ZFP14: variants seen among roughly 807,000 people sequenced by gnomAD.
ZFP14 encodes the protein ZFP14 zinc finger protein.
ZFP14 carries 22 observed loss-of-function variants against 54.5 expected under a neutral mutation model. The ratio of observed to expected loss-of-function variants is 0.40; its 90% CI spans 0.29 to 0.58. The LOEUF (loss-of-function observed/expected upper bound fraction) is 0.58. Ranked by LOEUF, ZFP14 falls within the 20% of genes least tolerant of loss-of-function variation. The pLI is 0.39. For missense variants in ZFP14, 470 were observed against 637.8 expected, an observed-to-expected ratio of 0.74 and a Z score of 2.83; for synonymous variants, 159 against 204.0, an observed-to-expected ratio of 0.78 and a Z score of 1.88.
At chr19:36,349,646 C>T (rs1004314044) in intron 4 of ZFP14, among the ~76,000 whole-genome samples, 4 of 144,140 alleles carry the variant, frequency 2.8e-5, no homozygotes, top group Non-Finnish European at 6.0e-5. Flanking sequence ...CAGCCTGGGT[C>T]GCAGAGCAAG....
At chr19:36,372,506 T>C (rs2031895046) in intron 1 of ZFP14, among the ~76,000 whole-genome samples, 1 of 152,052 alleles carries the variant, frequency 6.6e-6, no homozygotes, top group South Asian at 2.1e-4. Context: ...CTAAAATAAA[T>C]GATTAATTCC....
chr19:36,347,128 A>G (rs764130558), intron 4 of ZFP14, among the ~76,000 whole-genome samples: 6 of 152,180 alleles, frequency 3.9e-5, no homozygotes, highest in Non-Finnish European at 7.3e-5. Context: ...TTTGTCTTTG[A>G]CTGAGAGCAT....
rs1303471784 is a variant in ZFP14, at chr19:36,338,082, A to C, written c.*2142T>G. 1.3e-5 allele frequency: 2 copies of C among 152,174 alleles called. No homozygotes were observed. Among genetic ancestry groups the C allele is most frequent in the East Asian group, 1.9e-4 (1 of 5,180 alleles). 9.4% of individuals were successfully genotyped at this position (152,174 alleles called of 1,614,324 possible). On this transcript the variant is annotated 3_prime_UTR_variant, in exon 5 of 5. Transcript: ENST00000270001. Reference sequence around the variant, plus strand: ...AGTGGCACGATCTCAGCTCACTGCAAACTCTGCCTCTTGGGTTCAAGTGAT... The same window carrying C: ...AGTGGCACGATCTCAGCTCACTGCACACTCTGCCTCTTGGGTTCAAGTGAT...
intron 4 of ZFP14, among the ~76,000 whole-genome samples, chr19:36,347,742 A>G (rs1028834403): frequency 3.9e-5 from 6 of 152,184 alleles, no homozygotes; most frequent in African/African-American, 1.4e-4. Context: ...ATAAAGCCTA[A>G]TACTCCAAGT....
rs562613394 is a variant in ZFP14 at position 36,340,190 on chromosome 19, T to C, written c.*34A>G. 4 of 1,499,758 alleles carry C rather than the reference T, an allele frequency of 2.7e-6. No homozygotes were observed. Among genetic ancestry groups the C allele is most frequent in the South Asian group, 1.4e-5 (1 of 69,942 alleles). 92.9% of individuals were successfully genotyped at this position (1,499,758 alleles called of 1,614,324 possible). A position where few individuals can be genotyped will look rare whatever the true frequency, so the allele number is the denominator to read the frequency against. ...CTCAAAAATGAATTTTCTGATGTTCTGTAACATCATATACATTTGAAGGCT... is the reference window on the plus strand; with the variant it reads ...CTCAAAAATGAATTTTCTGATGTTCCGTAACATCATATACATTTGAAGGCT... On this transcript the variant is annotated 3_prime_UTR_variant, in exon 5 of 5. Transcript: ENST00000270001. This position sits in a 1 kb window ranked among gnomAD's most constrained non-coding sequence, Gnocchi z 5.4.
Position 36,341,287 on chromosome 19 carries a change from G to A in ZFP14, c.539C>T (p.Thr180Ile), listed in dbSNP as rs2031308927. The A allele has an allele frequency of 6.2e-7, 1 of 1,614,004 alleles. No individual in the cohort carries two copies. Among genetic ancestry groups the A allele is most frequent in the Non-Finnish European group, 8.5e-7 (1 of 1,180,042 alleles). Reference protein sequence around the residue: ...KVYECKECRKTFIRRSTLSQH... With the variant: ...KVYECKECRKIFIRRSTLSQH... ...ACTAAGTGTTGAGCGACGAATAAAG[G>A]TCTTCCTACACTCCTTACACTCATA... Residue 180 changes from threonine to isoleucine, a missense_variant, in exon 5 of 5, where the codon ACC becomes ATC. Transcript: ENST00000270001. This position sits in a 1 kb window ranked among gnomAD's most constrained non-coding sequence, Gnocchi z 4.2.
At chr19:36,354,516 C>T (rs1218607976) in intron 4 of ZFP14, among the ~76,000 whole-genome samples, 1 of 142,190 alleles carries the variant, frequency 7.0e-6, no homozygotes, top group Non-Finnish European at 1.6e-5. Flanking sequence ...TCTTGCAGTT[C>T]CTCAAAAATA....
At chr19:36,363,109 C>T (rs1477083490) in intron 2 of ZFP14, among the ~76,000 whole-genome samples, 1 of 151,400 alleles carries the variant, frequency 6.6e-6, no homozygotes, top group Non-Finnish European at 1.5e-5. Flanking sequence ...TTTTTTGTTC[C>T]TGAGTTACAG....
At chr19:36,346,892 C>A (rs1426228548) in intron 4 of ZFP14, among the ~76,000 whole-genome samples, 1 of 152,188 alleles carries the variant, frequency 6.6e-6, no homozygotes, top group Admixed American at 6.5e-5. Flanking sequence ...GATCAATAGG[C>A]AGGTTCGCTT....
intron 4 of ZFP14, among the ~76,000 whole-genome samples, chr19:36,342,771 TTTA>T (rs2031345852): frequency 1.4e-5 from 2 of 140,730 alleles, no homozygotes; most frequent in African/African-American, 2.6e-5. Context: ...GGTGCAGACA[TTTA>T]TTATTAATTT....
At position 36,334,686 on chromosome 19, in the gene ZFP14, A is replaced by G. The variant is rs1441384926; in HGVS notation, c.*5538T>C. 6.6e-6 allele frequency: 1 copy of G among 152,162 alleles called. No homozygotes were observed. The highest frequency in any genetic ancestry group is 2.4e-5 in the African/African-American group (1 of 41,430). 9.4% of individuals were successfully genotyped at this position (152,162 alleles called of 1,614,324 possible). ...GCCGCCCCCAACACAACCACTCACCATATCTAAAATTACACCCTTGAAGAC... is the reference window on the plus strand; with the variant it reads ...GCCGCCCCCAACACAACCACTCACCGTATCTAAAATTACACCCTTGAAGAC... On this transcript the variant is annotated 3_prime_UTR_variant, in exon 5 of 5. Transcript: ENST00000270001.
At position 36,340,047 on chromosome 19, in the gene ZFP14, C is replaced by G; in HGVS notation, c.*177G>C. 4 of 578,614 alleles carry G rather than the reference C, an allele frequency of 6.9e-6. No individual in the cohort carries two copies. Among genetic ancestry groups the G allele is most frequent in the Non-Finnish European group, 1.1e-5 (4 of 365,100 alleles). 35.8% of individuals were successfully genotyped at this position (578,614 alleles called of 1,614,324 possible). ...TCCTACATTCATTACATTATTCTCT[C>G]ATAGGAATTTGCTGAAGATAAACCA... On this transcript the variant is annotated 3_prime_UTR_variant, in exon 5 of 5. Coordinates refer to ENST00000270001, the MANE Select transcript of ZFP14 (RefSeq NM_020917.3). The surrounding 1 kb of genome is among the most constrained non-coding windows in gnomAD (Gnocchi z 5.4).
At position 36,336,270 on chromosome 19, in the gene ZFP14, T is replaced by C. The variant is rs1415617105; in HGVS notation, c.*3954A>G. 1.4e-5 allele frequency: 2 copies of C among 141,954 alleles called. No individual in the cohort carries two copies. The highest frequency in any genetic ancestry group is 5.3e-5 in the African/African-American group (2 of 37,820). The allele number at this position is 141,954 out of a possible 1,614,324, so 8.8% of individuals were successfully genotyped here. A position where few individuals can be genotyped will look rare whatever the true frequency, so the allele number is the denominator to read the frequency against. ...TTTTTTTTTTTTTTTGACAGACTCT[T>C]GCTCTGTTACCCAGGCTGGAGTGCA... On this transcript the variant is annotated 3_prime_UTR_variant, in exon 5 of 5. Transcript: ENST00000270001.
At chr19:36,366,267 CA>C (rs934825662) in intron 2 of ZFP14, among the ~76,000 whole-genome samples, 21 of 142,212 alleles carry the variant, frequency 1.5e-4, no homozygotes, top group Middle Eastern at 3.6e-3. Context: ...GACTCTGTCT[CA>C]AAAAAAAAAA....
chr19:36,368,759 C>A (rs1316379667), intron 1 of ZFP14, among the ~76,000 whole-genome samples: 1 of 152,204 alleles, frequency 6.6e-6, no homozygotes, highest in Non-Finnish European at 1.5e-5. Context: ...GCTACCCTTG[C>A]CTTCCCCAGC....
At chr19:36,360,397 A>C in intron 4 of ZFP14, 38 bp downstream of exon 4, 1 of 1,578,820 alleles carries the variant, frequency 6.3e-7, no homozygotes, top group South Asian at 1.1e-5. Flanking sequence ...TATTACCTGC[A>C]GTAGTGATTT....
chr19:36,364,959 T>C (rs950863725), intron 2 of ZFP14, among the ~76,000 whole-genome samples: 1 of 150,690 alleles, frequency 6.6e-6, no homozygotes, highest in Non-Finnish European at 1.5e-5. Flanking sequence ...CCTTCCTCCT[T>C]CTTTCTTTCT....
intron 1 of ZFP14, among the ~76,000 whole-genome samples, chr19:36,371,601 G>C (rs1036504883): frequency 3.3e-5 from 5 of 152,078 alleles, no homozygotes; most frequent in African/African-American, 1.2e-4. Context: ...CATCAAAATA[G>C]CAAATATTTG....
chr19:36,371,149 G>T (rs1379556338), intron 1 of ZFP14, among the ~76,000 whole-genome samples: 1 of 152,112 alleles, frequency 6.6e-6, no homozygotes, highest in Non-Finnish European at 1.5e-5. Flanking sequence ...CTGTAGTCCA[G>T]CTACTCGGGA....
Sources: gnomAD v4.1 joint callset for allele counts (sites outside exome capture counted in the v4.1 genomes callset) on GRCh38, gnomAD v4.1.1 for gene constraint, Gnocchi (gnomAD v3.1) non-coding constraint, MANE v1.5 for transcripts, NCBI Gene and HGNC (gene_info 2026-07-23, HGNC 2026-07-21) for gene names.